The following RABGAP1L variants were observed in gnomAD, a reference collection of about 807,000 sequenced individuals.
RABGAP1L encodes the protein RAB GTPase activating protein 1 like, also known as rab GTPase-activating protein 1-like.
In RABGAP1L, 63 loss-of-function variants were observed where a neutral mutation model predicts 137.7. The observed-to-expected ratio is 0.46, with a 90% CI of 0.37 to 0.56. RABGAP1L has a LOEUF of 0.56. Among genes scored for constraint, RABGAP1L ranks in the 20% least tolerant of loss-of-function variants. The pLI is 0.00. For synonymous variants in RABGAP1L, 431 were observed against 433.7 expected (o/e 0.99, Z 0.08); for missense variants, 1,095 against 1,244.0 (o/e 0.88, Z 1.80).
chr1:174,770,695 CTCTG>C (rs1299341034), intron 18 of RABGAP1L, among the ~76,000 whole-genome samples: 1 of 152,206 alleles, frequency 6.6e-6, no homozygotes, highest in Non-Finnish European at 1.5e-5. Flanking sequence ...AAAAATCCCT[CTCTG>C]TCTTCATCCT....
chr1:174,605,640 A>G (rs1318473010), intron 13 of RABGAP1L, among the ~76,000 whole-genome samples: 1 of 152,172 alleles, frequency 6.6e-6, no homozygotes, highest in East Asian at 1.9e-4. Context: ...CACCCATCAC[A>G]TGGAATATTT....
chr1:174,273,862 T>G (rs1193281346), intron 8 of RABGAP1L, among the ~76,000 whole-genome samples: 1 of 152,144 alleles, frequency 6.6e-6, no homozygotes, highest in African/African-American at 2.4e-5. Context: ...TGAGTCCATA[T>G]CTAAATCAAA....
At chr1:174,596,401 T>C (rs543371673) in intron 13 of RABGAP1L, among the ~76,000 whole-genome samples, 1 of 152,302 alleles carries the variant, frequency 6.6e-6, no homozygotes, top group South Asian at 2.1e-4. Flanking sequence ...CTTTCATCAG[T>C]GTTTTGTAGT....
chr1:174,355,111 G>C (rs1177276824), intron 11 of RABGAP1L, among the ~76,000 whole-genome samples: 2 of 152,050 alleles, frequency 1.3e-5, no homozygotes, highest in African/African-American at 2.4e-5. Flanking sequence ...TCCCATTACT[G>C]GGTATATACC....
At chr1:174,349,871 A>C (rs1571343816) in intron 11 of RABGAP1L, among the ~76,000 whole-genome samples, 14 of 96,838 alleles carry the variant, frequency 1.4e-4, no homozygotes, top group African/African-American at 3.7e-4. Context: ...TGACCCCCCC[A>C]CCTCCCTCCT....
intron 18 of RABGAP1L, among the ~76,000 whole-genome samples, chr1:174,784,011 CTTTTT>C (rs3085670): frequency 9.6e-4 from 50 of 52,160 alleles, no homozygotes; most frequent in East Asian, 6.9e-3. Context: ...TCTTCTTCTT[CTTTTT>C]TTTTTTTTTT....
At chr1:174,672,220 C>T (rs1427188464) in intron 14 of RABGAP1L, among the ~76,000 whole-genome samples, 1 of 148,550 alleles carries the variant, frequency 6.7e-6, no homozygotes, top group Non-Finnish European at 1.5e-5. Flanking sequence ...TTTTCTTAGT[C>T]TAGGTGTTTA....
chr1:174,190,301 CA>C (rs57629149), intron 1 of RABGAP1L, among the ~76,000 whole-genome samples: 7,092 of 90,208 alleles, frequency 0.079, 521 homozygotes, highest in African/African-American at 0.23. Flanking sequence ...GACTCCGTTG[CA>C]AAAAAAAAAA....
intron 2 of RABGAP1L, among the ~76,000 whole-genome samples, chr1:174,220,339 A>C (rs962180247): frequency 6.6e-6 from 1 of 152,186 alleles, no homozygotes; most frequent in African/African-American, 2.4e-5. Context: ...ATTTAAGGTT[A>C]TCTGATTTTT....
chr1:174,266,293 A>T (rs1674067179), intron 7 of RABGAP1L, among the ~76,000 whole-genome samples: 1 of 152,182 alleles, frequency 6.6e-6, no homozygotes, highest in Non-Finnish European at 1.5e-5. Context: ...GCATGCTATT[A>T]TTACTATTAG....
Position 174,884,068 on chromosome 1 carries a change from C to T in RABGAP1L, c.2340+72108C>T, listed in dbSNP as rs139435137. On this transcript the variant is annotated intron_variant, in intron 19 of 25. Transcript: ENST00000681986. ...CTAGAAATTCAAGGTCACAGTATCA[C>T]GGTAAGAGAATTGATTGTCCAGTGG... Among the ~76,000 whole-genome samples the T allele has an allele frequency of 1.5e-3, 231 of 152,252 alleles. 1 individual carries two copies. The highest frequency in any genetic ancestry group is 5.4e-3 in the East Asian group (28 of 5,182).
intron 11 of RABGAP1L, among the ~76,000 whole-genome samples, chr1:174,350,855 G>A (rs1309138563): frequency 1.6e-4 from 15 of 92,402 alleles, no homozygotes; most frequent in African/African-American, 5.8e-4. Context: ...TCGGGAGGCC[G>A]AGGTTGGCGG....
chr1:174,177,958 A>G (rs182612401), intron 1 of RABGAP1L, among the ~76,000 whole-genome samples: 28 of 152,332 alleles, frequency 1.8e-4, no homozygotes, highest in Admixed American at 8.5e-4. Context: ...TGTCTTGGCT[A>G]TATGGATTGT....
chr1:174,629,123 T>C (rs1195530716), intron 13 of RABGAP1L, among the ~76,000 whole-genome samples: 3 of 152,208 alleles, frequency 2.0e-5, no homozygotes. Flanking sequence ...TGTTAGGTTT[T>C]GTAACTTTCT....
In RABGAP1L at chr1:174,761,368, T is replaced by C. The variant is rs564231860; in HGVS notation, c.2211+9014T>C. ...GAGGCGCTCCTCACTTGCCAGACAG[T>C]GCGGGGGCCAGGGAGAGGCACTCCT... is the stretch of plus-strand genomic sequence containing the variant. On this transcript the variant is annotated intron_variant, in intron 18 of 25. Coordinates refer to ENST00000681986, the MANE Select transcript of RABGAP1L (RefSeq NM_001366446.1). This position sits in a 1 kb window ranked among gnomAD's most constrained non-coding sequence, Gnocchi z 4.0. Among the ~76,000 whole-genome samples the C allele has an allele frequency of 2.0e-5, 3 of 152,266 alleles. No individual in the cohort carries two copies. The South Asian group carries it at 6.2e-4, about 32-fold the overall frequency.
intron 13 of RABGAP1L, among the ~76,000 whole-genome samples, chr1:174,409,706 G>A (rs1030746718): frequency 6.6e-6 from 1 of 152,054 alleles, no homozygotes. Context: ...CTGGGGAGGG[G>A]TCTATAAACG....
chr1:174,162,753 CTTTTTTTTTTTTTTTCTCTTTCTGT>C (rs1664576671), intron 1 of RABGAP1L, among the ~76,000 whole-genome samples: 1 of 37,186 alleles, frequency 2.7e-5, no homozygotes, highest in African/African-American at 9.0e-5. Flanking sequence ...GCTGGTATTT[CTTTTTTTTTTTTTTTCTCTTTCTGT>C]TTTTTTTTTT....
chr1:174,259,511 A>G (rs1248596185), intron 7 of RABGAP1L, among the ~76,000 whole-genome samples: 1 of 152,226 alleles, frequency 6.6e-6, no homozygotes, highest in Non-Finnish European at 1.5e-5. Context: ...TAAATACTTG[A>G]CTAAATCAAT....
chr1:174,979,020 A>G (rs751430143), intron 23 of RABGAP1L, 130 bp downstream of exon 23: 267 of 1,251,412 alleles, frequency 2.1e-4, no homozygotes, highest in Middle Eastern at 3.1e-4. Flanking sequence ...ATCTACAAGG[A>G]AAAAAAATTT....
Sources: allele counts gnomAD v4.1 joint callset (sites outside exome capture counted in the v4.1 genomes callset), GRCh38; gene constraint gnomAD v4.1.1; non-coding constraint Gnocchi (gnomAD v3.1); transcripts MANE v1.5; gene names NCBI Gene and HGNC (gene_info 2026-07-23, HGNC 2026-07-21).